FAM135B: variants seen among roughly 807,000 people sequenced by gnomAD.
The protein encoded by FAM135B is family with sequence similarity 135 member B.
Under a neutral mutation model 127.7 loss-of-function variants are expected in FAM135B, and 43 were observed. The ratio of observed to expected loss-of-function variants is 0.34; its 90% confidence interval spans 0.26 to 0.43. FAM135B has a LOEUF of 0.43. Ranked by LOEUF, FAM135B falls within the 20% of genes least tolerant of loss-of-function variation. The pLI, the probability that FAM135B is intolerant of heterozygous loss-of-function variation, is 1.00. For synonymous variants in FAM135B, 670 were observed against 665.1 expected, an observed-to-expected ratio of 1.01 and a Z score of -0.11; for missense variants, 1,558 against 1,725.6, an observed-to-expected ratio of 0.90 and a Z score of 1.72.
Position 138,430,568 on chromosome 8 carries a change from A to ACAAGGTGAC in FAM135B, c.-19-62575_-19-62567dup, listed in dbSNP as rs569375670. Among the ~76,000 whole-genome samples the ACAAGGTGAC allele has an allele frequency of 3.5e-4, 54 of 152,250 alleles. 1 individual carries two copies. The highest frequency in any genetic ancestry group is 1.2e-3 in the African/African-American group (48 of 41,532). Reference sequence around the variant, plus strand: ...GCTGGCCTCCAAGAGGATACATTCCACAAGGTGACGGTGGAAGTTGTGAAT... The same window carrying ACAAGGTGAC: ...GCTGGCCTCCAAGAGGATACATTCCACAAGGTGACCAAGGTGACGGTGGAAGTTGTGAAT... On this transcript the variant is annotated intron_variant, in intron 1 of 19. Transcript: ENST00000395297.
chr8:138,309,858 CTTTTTTT>C (rs145453026), intron 3 of FAM135B, among the ~76,000 whole-genome samples: 59 of 86,746 alleles, frequency 6.8e-4, no homozygotes, highest in African/African-American at 2.0e-3. Flanking sequence ...AGTCTTTCTA[CTTTTTTT>C]TTTTTTTTTT....
intron 6 of FAM135B, among the ~76,000 whole-genome samples, chr8:138,249,745 C>T (rs184633601): frequency 3.8e-3 from 583 of 152,242 alleles, no homozygotes; most frequent in Non-Finnish European, 6.1e-3. Context: ...TGTACATGCA[C>T]CTAAACTGTC....
chr8:138,388,848 ATAATGT>A (rs1832373811), intron 1 of FAM135B, among the ~76,000 whole-genome samples: 2 of 152,272 alleles, frequency 1.3e-5, no homozygotes, highest in Admixed American at 1.3e-4. Context: ...TCAAACCCAT[ATAATGT>A]TAGAGTATTC....
intron 7 of FAM135B, among the ~76,000 whole-genome samples, chr8:138,225,730 CTAA>C (rs1007452291): frequency 2.0e-5 from 3 of 152,134 alleles, no homozygotes; most frequent in African/African-American, 7.2e-5. Context: ...GTATTTTCTA[CTAA>C]TAATTGGGTT....
intron 4 of FAM135B, among the ~76,000 whole-genome samples, chr8:138,257,675 C>T (rs1822197309): frequency 6.6e-6 from 1 of 152,058 alleles, no homozygotes. Flanking sequence ...AAGCCCATGT[C>T]TTGTCTATCT....
At chr8:138,146,095 T>C (rs200373957) in intron 14 of FAM135B, 45 bp from the exon 15 acceptor site, 3 of 967,116 alleles carry the variant, frequency 3.1e-6, no homozygotes, top group East Asian at 2.4e-5. Context: ...TAGTTAGTCA[T>C]ATAAAAGGTT....
intron 9 of FAM135B, among the ~76,000 whole-genome samples, chr8:138,180,693 T>G (rs1045276793): frequency 2.6e-5 from 4 of 152,178 alleles, no homozygotes; most frequent in Admixed American, 2.6e-4. Flanking sequence ...TTGCATATTT[T>G]TGCTTTATCA....
At chr8:138,397,246 A>G (rs148081056) in intron 1 of FAM135B, among the ~76,000 whole-genome samples, 390 of 152,344 alleles carry the variant, frequency 2.6e-3, no homozygotes, top group Non-Finnish European at 4.6e-3. Flanking sequence ...CACAACAGAC[A>G]TGAACCTTGA....
intron 1 of FAM135B, among the ~76,000 whole-genome samples, chr8:138,381,071 C>G (rs1342893168): frequency 6.6e-6 from 1 of 152,116 alleles, no homozygotes; most frequent in Non-Finnish European, 1.5e-5. Context: ...TATCCGGGTC[C>G]TTAGAGTATG....
intron 12 of FAM135B, among the ~76,000 whole-genome samples, chr8:138,159,039 G>A (rs1461742439): frequency 2.6e-5 from 4 of 151,064 alleles, no homozygotes; most frequent in Admixed American, 6.6e-5. Flanking sequence ...TTGGGAGGCC[G>A]AGGCGGGTGG....
Position 138,370,184 on chromosome 8 carries a change from T to C in FAM135B, c.-19-2182A>G, listed in dbSNP as rs539201536. Among the ~76,000 whole-genome samples, 4 of 152,278 alleles carry C rather than the reference T, an allele frequency of 2.6e-5. No individual in the cohort carries two copies. The East Asian group carries it at 7.7e-4, about 29-fold the overall frequency. On this transcript the variant is annotated intron_variant, in intron 1 of 19. Coordinates refer to ENST00000395297, the MANE Select transcript of FAM135B (RefSeq NM_015912.4). ...CTTACTGGCAGAATGGCTGGGACCATGTTTTGGGGTAGAGTTAATATTTAG... is the reference window on the plus strand; with the variant it reads ...CTTACTGGCAGAATGGCTGGGACCACGTTTTGGGGTAGAGTTAATATTTAG...
rs556065028 is a variant in FAM135B, at chr8:138,242,760, A to G, written c.669+182T>C. On this transcript the variant is annotated intron_variant, in intron 7 of 19. Coordinates refer to ENST00000395297, the MANE Select transcript of FAM135B (RefSeq NM_015912.4). The surrounding 1 kb of genome is among the most constrained non-coding windows in gnomAD (Gnocchi z 9.6). ...TGTATCTATCCCAGGGCTTGGCCTT[A>G]GAAATATGTCTGATAGAGCTTGTAG... Among the ~76,000 whole-genome samples, 2 of 152,306 alleles carry G rather than the reference A, an allele frequency of 1.3e-5. No individual in the cohort carries two copies. Among genetic ancestry groups the G allele is most frequent in the African/African-American group, 4.8e-5 (2 of 41,560 alleles).
At chr8:138,495,232 TGTTA>T (rs1815346610) in intron 1 of FAM135B, among the ~76,000 whole-genome samples, 1 of 152,212 alleles carries the variant, frequency 6.6e-6, no homozygotes, top group African/African-American at 2.4e-5. Flanking sequence ...CTGCAAGACT[TGTTA>T]GTTAGTATCC....
intron 7 of FAM135B, among the ~76,000 whole-genome samples, chr8:138,226,186 C>CGCGCGCGT (rs1445378611): frequency 5.5e-5 from 4 of 72,210 alleles, no homozygotes; most frequent in East Asian, 7.1e-4. Context: ...TGTGTGTGTG[C>CGCGCGCGT]GCGCATGTCA....
In FAM135B at chr8:138,372,398, C is replaced by T. The variant is rs149778532; in HGVS notation, c.-19-4396G>A. On this transcript the variant is annotated intron_variant, in intron 1 of 19. Transcript: ENST00000395297. ...GAGGGAGGGGCAGGATGGGAAGGCC[C>T]CTGAAGCCTATGTCTAGAGATTAAC... 4.5e-3 allele frequency among the ~76,000 whole-genome samples: 682 copies of T among 152,286 alleles called. 8 individuals are homozygous for T. Among genetic ancestry groups the T allele is most frequent in the African/African-American group, 0.016 (652 of 41,564 alleles).
chr8:138,368,025 AC>A, intron 1 of FAM135B, 23 bp from the exon 2 acceptor site: 1 of 1,549,218 alleles, frequency 6.5e-7, no homozygotes, highest in Non-Finnish European at 8.9e-7. Flanking sequence ...AGAGAAATTA[AC>A]AGTTTGAGAT....
chr8:138,176,849 T>G (rs1212641623), intron 11 of FAM135B, among the ~76,000 whole-genome samples: 1 of 152,202 alleles, frequency 6.6e-6, no homozygotes, highest in Non-Finnish European at 1.5e-5. Flanking sequence ...GACCTCATCC[T>G]CCCTCAACCC....
At chr8:138,381,979 G>A (rs1284042567) in intron 1 of FAM135B, among the ~76,000 whole-genome samples, 5 of 151,968 alleles carry the variant, frequency 3.3e-5, no homozygotes, top group Non-Finnish European at 7.4e-5. Context: ...AAGATGCAAG[G>A]CTCCCACACA....
At chr8:138,341,895 C>T (rs1326766402) in intron 2 of FAM135B, among the ~76,000 whole-genome samples, 3 of 151,658 alleles carry the variant, frequency 2.0e-5, no homozygotes, top group Admixed American at 2.0e-4. Context: ...CCCAGAAGTT[C>T]ACTAATAAGC....
Sources: allele counts gnomAD v4.1 joint callset (sites outside exome capture counted in the v4.1 genomes callset), GRCh38; gene constraint gnomAD v4.1.1; non-coding constraint Gnocchi (gnomAD v3.1); transcripts MANE v1.5; gene names NCBI Gene and HGNC (gene_info 2026-07-23, HGNC 2026-07-21).